SCAF1: variants seen among roughly 807,000 people sequenced by gnomAD.
The protein encoded by SCAF1 is splicing factor, arginine/serine-rich 19.
A neutral mutation model predicts 91.2 loss-of-function variants in SCAF1; 28 were observed. That is an observed-to-expected ratio of 0.31 (90% confidence interval 0.23 to 0.42). The LOEUF is 0.42. Ranked by LOEUF, SCAF1 falls within the 10% of genes least tolerant of loss-of-function variation. The pLI, the probability that SCAF1 is intolerant of heterozygous loss-of-function variation, is 1.00. For synonymous variants in SCAF1, 1,036 were observed against 833.7 expected, an observed-to-expected ratio of 1.24 and a Z score of -4.18; for missense variants, 1,893 against 1,872.1, an observed-to-expected ratio of 1.01 and a Z score of -0.21.
chr19:49,644,376 A>G (rs544104349), intron 1 of SCAF1, among the ~76,000 whole-genome samples: 1 of 152,298 alleles, frequency 6.6e-6, no homozygotes, highest in Non-Finnish European at 1.5e-5. Context: ...GCCTCCTGTG[A>G]AGTTTTCCTT....
intron 1 of SCAF1, among the ~76,000 whole-genome samples, chr19:49,643,510 C>G (rs903255684): frequency 2.0e-5 from 3 of 152,228 alleles, no homozygotes; most frequent in Non-Finnish European, 4.4e-5. Context: ...AACCACTGAT[C>G]CAGATAGGAC....
In SCAF1 at chr19:49,652,930, C is replaced by G. The variant is rs751326681; in HGVS notation, c.2541C>G (p.Ser847Arg). Residue 847 changes from serine (S) to arginine (R), a missense_variant, in exon 7 of 11, where the codon AGC becomes AGG. Transcript: ENST00000360565. ...TGCTGATCCGCGAGGGTGTCAGCAGCACCACCCCGGCCAAGGATGCCGCGT... is the reference window on the plus strand; with the variant it reads ...TGCTGATCCGCGAGGGTGTCAGCAGGACCACCCCGGCCAAGGATGCCGCGT... ...VAVLIREGVS[S>R]TTPAKDAASA... 3.7e-6 allele frequency: 6 copies of G among 1,613,830 alleles called. No individual in the cohort carries two copies. The highest frequency in any genetic ancestry group is 5.1e-6 in the Non-Finnish European group (6 of 1,179,976).
At chr19:49,649,262 G>C (rs2081072331) in intron 6 of SCAF1, among the ~76,000 whole-genome samples, 1 of 152,012 alleles carries the variant, frequency 6.6e-6, no homozygotes, top group Non-Finnish European at 1.5e-5. Flanking sequence ...TGTTTGCAGA[G>C]CGCTCTAGTC....
chr19:49,644,956 C>G, intron 1 of SCAF1, 65 bp from the exon 2 acceptor site: 1 of 1,201,768 alleles, frequency 8.3e-7, no homozygotes, highest in Non-Finnish European at 1.2e-6. Flanking sequence ...GTCTTCATGT[C>G]TATCCTCTAC....
At chr19:49,647,665 T>A (rs1182603920) in intron 6 of SCAF1, among the ~76,000 whole-genome samples, 2 of 152,228 alleles carry the variant, frequency 1.3e-5, no homozygotes, top group Admixed American at 6.5e-5. Context: ...CTTGTTTCGC[T>A]GTGTCGCCCA....
At position 49,652,695 on chromosome 19, in the gene SCAF1, G is replaced by C; in HGVS notation, c.2306G>C (p.Arg769Pro). The change falls in exon 7 of 11, where the codon CGT (arginine) becomes CCT (proline). Residue 769 changes from arginine to proline, a missense_variant. Coordinates refer to ENST00000360565, the MANE Select transcript of SCAF1 (RefSeq NM_021228.3). ...TCCTCTTCCCGGGAGAAGGGGTCTC[G>C]TCGGAAGGCGCTGGACGGGGGTGAC... is the stretch of plus-strand genomic sequence containing the variant. Reference protein sequence around the residue: ...SSSSSREKGSRRKALDGGDRD... With the variant: ...SSSSSREKGSPRKALDGGDRD... 2 of 1,574,022 alleles carry C rather than the reference G, an allele frequency of 1.3e-6. No individual in the cohort carries two copies. The highest frequency in any genetic ancestry group is 1.7e-6 in the Non-Finnish European group (2 of 1,159,878).
intron 9 of SCAF1, among the ~76,000 whole-genome samples, chr19:49,655,605 A>G (rs965004667): frequency 2.6e-5 from 4 of 152,036 alleles, no homozygotes; most frequent in African/African-American, 9.7e-5. Context: ...ACCTCAGGTG[A>G]TCTGCCAGCC....
At chr19:49,654,608 C>A in intron 8 of SCAF1, 44 bp from the exon 9 acceptor site, 1 of 1,497,002 alleles carries the variant, frequency 6.7e-7, no homozygotes, top group Non-Finnish European at 9.2e-7. Context: ...CCCTCTTCCC[C>A]TCCACCTCCC....
chr19:49,646,336 A>G lies in SCAF1; in HGVS notation c.261+134A>G, dbSNP rs1160873490. ...CGATGCTGACCAGGGGCAATGTTGG[A>G]GAGTCTGGGGGCCTGATCTGTGGGC... On this transcript the variant is annotated intron_variant, in intron 4 of 10. Transcript: ENST00000360565. This position sits in a 1 kb window ranked among gnomAD's most constrained non-coding sequence, Gnocchi z 5.6. The G allele has an allele frequency of 6.7e-6, 6 of 891,526 alleles. No homozygotes were observed. The highest frequency in any genetic ancestry group is 1.0e-5 in the Non-Finnish European group (6 of 588,686). 55.2% of individuals were successfully genotyped at this position (891,526 alleles called of 1,614,324 possible).
chr19:49,642,053 T>C (rs1295531063), upstream of SCAF1: 4 of 152,274 alleles, frequency 2.6e-5, no homozygotes, highest in Non-Finnish European at 4.4e-5. This position sits in a 1 kb window ranked among gnomAD's most constrained non-coding sequence, Gnocchi z 4.0. Flanking sequence ...CCGCCCCATG[T>C]GTCCCATTGG....
rs1212804770 is a variant in SCAF1 at position 49,651,642 on chromosome 19, G to C, written c.1253G>C (p.Arg418Pro). 5 of 1,433,040 alleles carry C rather than the reference G, an allele frequency of 3.5e-6. No homozygotes were observed. In the African/African-American group the frequency reaches 4.5e-5, roughly 13 times the overall value. The allele number at this position is 1,433,040 out of a possible 1,614,324, so 88.8% of individuals were successfully genotyped here. ...SLFRPGGRAA[R>P]PTPAASATPT... is the part of the protein sequence containing the mutation. The stretch of plus-strand genomic sequence containing the variant: ...TTCCGCCCCGGCGGCCGGGCCGCCC[G>C]GCCTACACCGGCCGCCTCGGCCACC... Residue 418 changes from arginine (R) to proline (P), a missense_variant, in exon 7 of 11, where the codon CGG (arginine) becomes CCG (proline). Around this residue, in one of 5 missense-constraint regions of SCAF1, gnomAD observed 1,436 missense variants for 1,306.8 expected, o/e 1.10. Coordinates refer to ENST00000360565, the MANE Select transcript of SCAF1 (RefSeq NM_021228.3).
At position 49,646,308 on chromosome 19, in the gene SCAF1, C is replaced by T; in HGVS notation, c.261+106C>T. The T allele has an allele frequency of 9.8e-7, 1 of 1,023,546 alleles. No homozygotes were observed. The allele number at this position is 1,023,546 out of a possible 1,614,324, so 63.4% of individuals were successfully genotyped here. A position where few individuals can be genotyped will look rare whatever the true frequency, so the allele number is the denominator to read the frequency against. Reference sequence around the variant, plus strand: ...GGTTTGGGGACCTGGACTCCTGGCTCTGCGATGCTGACCAGGGGCAATGTT... The same window carrying T: ...GGTTTGGGGACCTGGACTCCTGGCTTTGCGATGCTGACCAGGGGCAATGTT... On this transcript the variant is annotated intron_variant, in intron 4 of 10. Coordinates refer to ENST00000360565, the MANE Select transcript of SCAF1 (RefSeq NM_021228.3). The surrounding 1 kb of genome is among the most constrained non-coding windows in gnomAD (Gnocchi z 5.6).
rs1334985131 is a variant in SCAF1, at chr19:49,652,292, C to A, written c.1903C>A (p.Arg635=). Residue 635 remains arginine, a synonymous_variant, in exon 7 of 11, where the codon CGG becomes AGG. Transcript: ENST00000360565. ...GCGCGAGCGGCACCGCGGGAAACAC[C>A]GGGACGGTGGCGGCAGCAAGAAGAA... The part of the protein sequence containing the change: ...SRRERHRGKH[R]DGGGSKKKKK... 2 of 1,525,742 alleles carry A rather than the reference C, an allele frequency of 1.3e-6. No individual in the cohort carries two copies. Among genetic ancestry groups the A allele is most frequent in the Non-Finnish European group, 1.8e-6 (2 of 1,139,554 alleles). 94.5% of individuals were successfully genotyped at this position (1,525,742 alleles called of 1,614,324 possible). A position where few individuals can be genotyped will look rare whatever the true frequency, so the allele number is the denominator to read the frequency against.
Position 49,651,199 on chromosome 19 carries a change from A to G in SCAF1, c.810A>G (p.Glu270=). The change falls in exon 7 of 11, where the codon GAA becomes GAG. Residue 270 remains glutamate, a synonymous_variant. Transcript: ENST00000360565. ...SSAGTPSPEE[E]EEEEEEEEEE... ...CGGGGACCCCCTCACCTGAGGAGGAAGAGGAGGAGGAAGAGGAAGAAGAAG... is the reference window on the plus strand; with the variant it reads ...CGGGGACCCCCTCACCTGAGGAGGAGGAGGAGGAGGAAGAGGAAGAAGAAG... 1 of 1,612,708 alleles carries G rather than the reference A, an allele frequency of 6.2e-7. No individual in the cohort carries two copies. The highest frequency in any genetic ancestry group is 8.5e-7 in the Non-Finnish European group (1 of 1,179,392).
At position 49,646,496 on chromosome 19, in the gene SCAF1, A is replaced by AC; in HGVS notation, c.262-29dup. 1 of 1,593,724 alleles carries AC rather than the reference A, an allele frequency of 6.3e-7. No individual in the cohort carries two copies. Among genetic ancestry groups the AC allele is most frequent in the Non-Finnish European group, 8.6e-7 (1 of 1,162,146 alleles). ...TTTGCCAGTCTTCATGTGACCAGGG[A>AC]CGGCGTAGAGCCTCTCTGGCCTCTT... On this transcript the variant is annotated intron_variant, in intron 4 of 10. Transcript: ENST00000360565. This position sits in a 1 kb window ranked among gnomAD's most constrained non-coding sequence, Gnocchi z 5.6.
rs769617056 is a variant in SCAF1, at chr19:49,653,122, C to T, written c.2733C>T (p.Thr911=). ...AGGCCAAGGCAGGGGCCAAGAAAAC[C>T]AAGGGGACCAAGGGAAAGACCAAGC... The part of the protein sequence containing the change: ...KVKAKAGAKK[T]KGTKGKTKPS... The change falls in exon 7 of 11, where the codon ACC becomes ACT. Residue 911 remains threonine, a synonymous_variant. Transcript: ENST00000360565. 1 of 1,610,828 alleles carries T rather than the reference C, an allele frequency of 6.2e-7. No homozygotes were observed. The highest frequency in any genetic ancestry group is 8.5e-7 in the Non-Finnish European group (1 of 1,178,636).
chr19:49,650,251 C>CT (rs1453507077), intron 6 of SCAF1, among the ~76,000 whole-genome samples: 2 of 152,166 alleles, frequency 1.3e-5, no homozygotes, highest in African/African-American at 2.4e-5. Flanking sequence ...CCTTCCTGGG[C>CT]TCCCCAGCTC....
In SCAF1 at chr19:49,652,567, T is replaced by G; in HGVS notation, c.2178T>G (p.Pro726=). 6.4e-7 allele frequency: 1 copy of G among 1,564,636 alleles called. No individual in the cohort carries two copies. Among genetic ancestry groups the G allele is most frequent in the Non-Finnish European group, 8.7e-7 (1 of 1,153,526 alleles). ...CCTCTCCTGCTCCGGCCTCCTCACCTAAGCGGGAGGTCCTGTACGACTCCG... is the reference window on the plus strand; with the variant it reads ...CCTCTCCTGCTCCGGCCTCCTCACCGAAGCGGGAGGTCCTGTACGACTCCG... ...RGPSPAPASS[P]KREVLYDSEG... The change falls in exon 7 of 11, where the codon CCT becomes CCG. Residue 726 remains proline (P), a synonymous_variant. Transcript: ENST00000360565.
At position 49,651,202 on chromosome 19, in the gene SCAF1, G is replaced by GGAGGAGGAAGAGGAAGAA; in HGVS notation, c.816_833dup (p.Glu277_Glu282dup). On this transcript the variant is annotated inframe_insertion, in exon 7 of 11. Transcript: ENST00000360565. ...GGACCCCCTCACCTGAGGAGGAAGA[G>GGAGGAGGAAGAGGAAGAA]GAGGAGGAAGAGGAAGAAGAAGAGG... 6.2e-7 allele frequency: 1 copy of GGAGGAGGAAGAGGAAGAA among 1,612,908 alleles called. No homozygotes were observed. Among genetic ancestry groups the GGAGGAGGAAGAGGAAGAA allele is most frequent in the Non-Finnish European group, 8.5e-7 (1 of 1,179,538 alleles).
Sources: allele counts gnomAD v4.1 joint callset (sites outside exome capture counted in the v4.1 genomes callset), GRCh38; gene constraint gnomAD v4.1.1; regional missense constraint gnomAD v4.1.1; non-coding constraint Gnocchi (gnomAD v3.1); transcripts MANE v1.5; gene names NCBI Gene and HGNC (gene_info 2026-07-23, HGNC 2026-07-21).